The following ZNF322 variants were observed in gnomAD, a reference collection of about 807,000 sequenced individuals.
The protein encoded by ZNF322 is HLA complex group 12.
In ZNF322, 1 loss-of-function variant was observed where a neutral mutation model predicts 18.3. That is an observed-to-expected ratio of 0.05 (90% CI 0.02 to 0.26). The LOEUF (loss-of-function observed/expected upper bound fraction) is 0.26. ZNF322 is among the 10% of genes least tolerant of loss of function. The pLI, the probability that ZNF322 is intolerant of heterozygous loss-of-function variation, is 1.00. For missense variants in ZNF322, 36 were observed against 403.6 expected, an observed-to-expected ratio of 0.09 and a Z score of 7.80; for synonymous variants, 17 against 130.7, an observed-to-expected ratio of 0.13 and a Z score of 5.93.
At position 26,649,659 on chromosome 6, in the gene ZNF322, GTGTGTGTGTGTGTGTGTATA is replaced by G. The variant is rs1308718588; in HGVS notation, c.-245-5951_-245-5932del. On this transcript the variant is annotated intron_variant, in intron 2 of 3. Transcript: ENST00000415922. ...CATATGTGTGTGTGTGTGTGTGTGT[GTGTGTGTGTGTGTGTGTATA>G]TATATATATATATATATATATATTT... 1.4e-3 allele frequency among the ~76,000 whole-genome samples: 62 copies of G among 43,982 alleles called. 3 individuals are homozygous for G. The highest frequency in any genetic ancestry group is 6.5e-3 in the Middle Eastern group (1 of 154). The allele number at this position is 43,982 out of a possible 152,430, so 28.9% of individuals were successfully genotyped here. A position where few individuals can be genotyped will look rare whatever the true frequency, so the allele number is the denominator to read the frequency against.
intron 3 of ZNF322, among the ~76,000 whole-genome samples, chr6:26,642,682 A>G (rs1269867371): frequency 6.6e-6 from 1 of 151,966 alleles, no homozygotes; most frequent in African/African-American, 2.4e-5. Flanking sequence ...CACAAGCATT[A>G]CTCCTATTTT....
intron 2 of ZNF322, among the ~76,000 whole-genome samples, chr6:26,650,606 G>A (rs1320994402): frequency 2.0e-5 from 3 of 152,022 alleles, no homozygotes; most frequent in Admixed American, 2.0e-4. Flanking sequence ...TACAATACAG[G>A]GTTAACATAC....
At chr6:26,657,023 C>T (rs1284997939) in intron 2 of ZNF322, among the ~76,000 whole-genome samples, 3 of 152,134 alleles carry the variant, frequency 2.0e-5, no homozygotes, top group Admixed American at 6.5e-5. Flanking sequence ...CCGAGGCTGG[C>T]GGATCACAAG....
At chr6:26,645,749 T>C (rs1186887046) in intron 2 of ZNF322, among the ~76,000 whole-genome samples, 1 of 152,136 alleles carries the variant, frequency 6.6e-6, no homozygotes, top group Non-Finnish European at 1.5e-5. Context: ...GATCTAAGTA[T>C]GGTCAGGTGC....
At chr6:26,656,407 C>A (rs1765772366) in intron 2 of ZNF322, among the ~76,000 whole-genome samples, 1 of 152,144 alleles carries the variant, frequency 6.6e-6, no homozygotes, top group South Asian at 2.1e-4. Flanking sequence ...TTTCTTAATT[C>A]TACCTTCACA....
intron 2 of ZNF322, among the ~76,000 whole-genome samples, chr6:26,652,165 G>A (rs1218106155): frequency 9.2e-5 from 14 of 152,092 alleles, no homozygotes; most frequent in Non-Finnish European, 1.0e-4. Context: ...AACAACAAAG[G>A]TATGATCCAT....
intron 2 of ZNF322, among the ~76,000 whole-genome samples, chr6:26,649,286 C>G (rs1250895017): frequency 6.6e-6 from 1 of 150,736 alleles, no homozygotes; most frequent in Non-Finnish European, 1.5e-5. Context: ...GATAAAGGGA[C>G]AAATAGAAAA....
At chr6:26,642,015 G>C (rs906807202) in intron 3 of ZNF322, among the ~76,000 whole-genome samples, 1 of 152,122 alleles carries the variant, frequency 6.6e-6, no homozygotes, top group African/African-American at 2.4e-5. Flanking sequence ...GGAATGTCTC[G>C]GTGTAAAACC....
intron 2 of ZNF322, among the ~76,000 whole-genome samples, chr6:26,645,071 C>A (rs144707226): frequency 3.3e-5 from 5 of 151,092 alleles, no homozygotes; most frequent in Non-Finnish European, 5.9e-5. Context: ...GGTGTTTGCA[C>A]ACCAATTATT....
At chr6:26,641,374 G>A (rs1163790238) in intron 3 of ZNF322, among the ~76,000 whole-genome samples, 1 of 152,100 alleles carries the variant, frequency 6.6e-6, no homozygotes, top group African/African-American at 2.4e-5. Context: ...GGACATAATG[G>A]GAGAAAAATG....
In ZNF322 at chr6:26,637,588, C is replaced by CATCAG; in HGVS notation, c.965_966insCTGAT (p.Gln322HisfsTer2). 1 of 1,479,274 alleles carries CATCAG rather than the reference C, an allele frequency of 6.8e-7. No homozygotes were observed. The allele number at this position is 1,479,274 out of a possible 1,614,324, so 91.6% of individuals were successfully genotyped here. Reference sequence around the variant, plus strand: ...GGAAGCCACTCTCACACGCAGACCACTGATGTGGTTTCTCTTCCATGTGAA... The same window carrying CATCAG: ...GGAAGCCACTCTCACACGCAGACCACATCAGTGATGTGGTTTCTCTTCCATGTGAA... On this transcript the variant is annotated stop_gained and frameshift_variant, in exon 4 of 4. Coordinates refer to ENST00000415922, the MANE Select transcript of ZNF322 (RefSeq NM_024639.5). LOFTEE classifies it low-confidence loss of function (END_TRUNC).
chr6:26,656,904 C>CT (rs1765782512), intron 2 of ZNF322, among the ~76,000 whole-genome samples: 1 of 152,030 alleles, frequency 6.6e-6, no homozygotes, highest in African/African-American at 2.4e-5. Flanking sequence ...CATATCCAAG[C>CT]TTTTTTTAGA....
rs1217984924 is a variant in ZNF322, at chr6:26,634,479, G to T, written c.*2866C>A. The T allele has an allele frequency of 3.4e-5, 5 of 148,626 alleles. No homozygotes were observed. Among genetic ancestry groups the T allele is most frequent in the Non-Finnish European group, 5.9e-5 (4 of 67,306 alleles). The allele number at this position is 148,626 out of a possible 1,614,324, so 9.2% of individuals were successfully genotyped here. ...CAACTGAATACAAGTTGTCTTGTTT[G>T]GTCTGAAATCTTGAAAAAGTTAATC... On this transcript the variant is annotated 3_prime_UTR_variant, in exon 4 of 4. Transcript: ENST00000415922.
intron 1 of ZNF322, 101 bp downstream of exon 1, chr6:26,659,340 C>G (rs540961347): frequency 1.2e-5 from 2 of 161,074 alleles, no homozygotes. Context: ...AGACCATGCT[C>G]AGTGTCCAGG....
rs58521273 is a variant in ZNF322, at chr6:26,649,637, A to ATGTG, written c.-245-5913_-245-5910dup. 3.2e-3 allele frequency among the ~76,000 whole-genome samples: 214 copies of ATGTG among 67,576 alleles called. 2 individuals are homozygous for ATGTG. The highest frequency in any genetic ancestry group is 4.3e-3 in the Non-Finnish European group (157 of 36,806). The allele number at this position is 67,576 out of a possible 152,430, so 44.3% of individuals were successfully genotyped here. A position where few individuals can be genotyped will look rare whatever the true frequency, so the allele number is the denominator to read the frequency against. On this transcript the variant is annotated intron_variant, in intron 2 of 3. Transcript: ENST00000415922. The stretch of plus-strand genomic sequence containing the variant: ...AGTTTTCTTTTATATATACATACAT[A>ATGTG]TGTGTGTGTGTGTGTGTGTGTGTGT...
intron 2 of ZNF322, among the ~76,000 whole-genome samples, chr6:26,649,733 C>A (rs1357894810): frequency 1.1e-5 from 1 of 93,484 alleles, no homozygotes; most frequent in Non-Finnish European, 2.0e-5. Context: ...GACTGAGTTT[C>A]GCTCTTGTTG....
chr6:26,644,955 T>G (rs112550353), intron 2 of ZNF322, among the ~76,000 whole-genome samples: 3 of 152,318 alleles, frequency 2.0e-5, no homozygotes, highest in African/African-American at 7.2e-5. Flanking sequence ...TTTTTCCTGA[T>G]GTTCTCCCTC....
Position 26,636,752 on chromosome 6 carries a change from G to GT in ZNF322, c.*592dup, listed in dbSNP as rs550372295. 58,963 of 100,374 alleles carry GT rather than the reference G, an allele frequency of 0.59. 18,184 individuals are homozygous for GT. The highest frequency in any genetic ancestry group is 0.83 in the East Asian group (2,234 of 2,682). 6.2% of individuals were successfully genotyped at this position (100,374 alleles called of 1,614,324 possible). A position where few individuals can be genotyped will look rare whatever the true frequency, so the allele number is the denominator to read the frequency against. On this transcript the variant is annotated 3_prime_UTR_variant, in exon 4 of 4. Coordinates refer to ENST00000415922, the MANE Select transcript of ZNF322 (RefSeq NM_024639.5). ...CACTTGCAGTCTTTCCTCAGATTGGGTTTTTTTTTTTGGGTGCAAACCCAA... is the reference window on the plus strand; with the variant it reads ...CACTTGCAGTCTTTCCTCAGATTGGGTTTTTTTTTTTTGGGTGCAAACCCAA...
At chr6:26,649,853 A>T (rs1443016154) in intron 2 of ZNF322, among the ~76,000 whole-genome samples, 1 of 150,508 alleles carries the variant, frequency 6.6e-6, no homozygotes, top group Non-Finnish European at 1.5e-5. Context: ...GCAGGCATGC[A>T]CCACCATGCC....
Sources: allele counts gnomAD v4.1 joint callset (sites outside exome capture counted in the v4.1 genomes callset), GRCh38; gene constraint gnomAD v4.1.1; transcripts MANE v1.5; gene names NCBI Gene and HGNC (gene_info 2026-07-23, HGNC 2026-07-21).